The following THEMIS variants were observed in gnomAD, a reference collection of about 807,000 sequenced individuals.
THEMIS encodes protein THEMIS.
Under a neutral mutation model 52.6 loss-of-function variants are expected in THEMIS, and 37 were observed. The ratio of observed to expected loss-of-function variants is 0.70; its 90% confidence interval spans 0.54 to 0.93. The LOEUF (loss-of-function observed/expected upper bound fraction) is 0.93. THEMIS is among the 40% of genes least tolerant of loss of function. The pLI, the probability that THEMIS is intolerant of heterozygous loss-of-function variation, is 0.00. For synonymous variants in THEMIS, 292 were observed against 272.7 expected (o/e 1.07, Z -0.70); for missense variants, 808 against 763.1 (o/e 1.06, Z -0.69).
intron 1 of THEMIS, among the ~76,000 whole-genome samples, chr6:127,862,450 T>C (rs1408506751): frequency 7.6e-6 from 1 of 132,418 alleles, no homozygotes; most frequent in Non-Finnish European, 1.6e-5. Flanking sequence ...TTTTTTTTTT[T>C]GCTCTGTTGC....
At chr6:127,760,911 A>G (rs935582004) in intron 4 of THEMIS, among the ~76,000 whole-genome samples, 15 of 152,302 alleles carry the variant, frequency 9.8e-5, no homozygotes, top group Non-Finnish European at 1.5e-4. Context: ...TGTATATGAC[A>G]CCAAAAGTAC....
At position 127,742,016 on chromosome 6, in the gene THEMIS, C is replaced by A. The variant is rs1160447735; in HGVS notation, c.1759-22193G>T. On this transcript the variant is annotated intron_variant, in intron 4 of 5. Transcript: ENST00000368248. The stretch of plus-strand genomic sequence containing the variant: ...TATGAAGGTCTGTCAAGAAATTAAA[C>A]ACAGAATCACCAGGCTGAGTATGGT... Among the ~76,000 whole-genome samples the A allele has an allele frequency of 2.6e-5, 4 of 152,008 alleles. No individual in the cohort carries two copies. The South Asian group carries it at 6.2e-4, about 24-fold the overall frequency.
intron 4 of THEMIS, among the ~76,000 whole-genome samples, chr6:127,767,122 C>T (rs532757027): frequency 1.3e-4 from 20 of 150,484 alleles, no homozygotes; most frequent in African/African-American, 4.4e-4. Context: ...GATGGAGTCT[C>T]GCTCTGTCAC....
rs1773908271 is a variant in THEMIS, at chr6:127,709,682, T to A, written c.*303A>T. On this transcript the variant is annotated 3_prime_UTR_variant, in exon 6 of 6. Coordinates refer to ENST00000368248, the MANE Select transcript of THEMIS (RefSeq NM_001010923.3). ...AAATACAGAATTATTTCCCAATTAC[T>A]TAGTTGTTGGTAGTAGAAATAAGAA... The A allele has an allele frequency of 3.9e-6, 1 of 259,600 alleles. No homozygotes were observed. Among genetic ancestry groups the A allele is most frequent in the African/African-American group, 2.2e-5 (1 of 45,446 alleles). 16.1% of individuals were successfully genotyped at this position (259,600 alleles called of 1,614,324 possible). A position where few individuals can be genotyped will look rare whatever the true frequency, so the allele number is the denominator to read the frequency against.
chr6:127,793,585 A>G (rs1250280471), intron 4 of THEMIS, among the ~76,000 whole-genome samples: 1 of 152,222 alleles, frequency 6.6e-6, no homozygotes, highest in Non-Finnish European at 1.5e-5. Flanking sequence ...GAATGCACCA[A>G]GAAGACTACC....
At chr6:127,809,416 A>T (rs1459335343) in intron 4 of THEMIS, among the ~76,000 whole-genome samples, 1 of 152,188 alleles carries the variant, frequency 6.6e-6, no homozygotes, top group East Asian at 1.9e-4. Flanking sequence ...TTTACATTCT[A>T]TAAACAATGT....
At chr6:127,707,041 C>T (rs747722658), downstream of THEMIS, among the ~76,000 whole-genome samples, 7 of 152,078 alleles carry the variant, frequency 4.6e-5, no homozygotes, top group Non-Finnish European at 7.4e-5. Context: ...GAAGCAAACA[C>T]GTCCTTCTTC....
chr6:127,697,861 T>G, the THEMIS span, among the ~76,000 whole-genome samples: 1 of 152,186 alleles, frequency 6.6e-6, no homozygotes, highest in Non-Finnish European at 1.5e-5. Flanking sequence ...TCCATTCTAC[T>G]ATATATTTTA....
At chr6:127,775,168 T>G (rs1371358956) in intron 4 of THEMIS, among the ~76,000 whole-genome samples, 1 of 152,178 alleles carries the variant, frequency 6.6e-6, no homozygotes, top group Non-Finnish European at 1.5e-5. Context: ...CCATGAACTC[T>G]TTAATGACAT....
chr6:127,779,813 CT>C (rs1265541952), intron 4 of THEMIS, among the ~76,000 whole-genome samples: 2 of 152,112 alleles, frequency 1.3e-5, no homozygotes, highest in Non-Finnish European at 2.9e-5. Context: ...ACCTGTAAAG[CT>C]TAATGTTCTA....
At chr6:127,773,076 G>C (rs1407351848) in intron 4 of THEMIS, among the ~76,000 whole-genome samples, 1 of 152,124 alleles carries the variant, frequency 6.6e-6, no homozygotes, top group Non-Finnish European at 1.5e-5. Context: ...CTTTTTGCAT[G>C]ATTTTGAGGA....
intron 4 of THEMIS, among the ~76,000 whole-genome samples, chr6:127,764,771 T>C (rs1415463829): frequency 1.3e-5 from 2 of 152,048 alleles, no homozygotes; most frequent in Non-Finnish European, 2.9e-5. Context: ...ACTTAAAATA[T>C]CTAGAAGTTA....
intron 1 of THEMIS, among the ~76,000 whole-genome samples, chr6:127,858,856 G>A (rs1363019654): frequency 6.6e-6 from 1 of 152,076 alleles, no homozygotes; most frequent in Non-Finnish European, 1.5e-5. Flanking sequence ...GAACAAAGCA[G>A]CCTGTTTTCA....
In THEMIS at chr6:127,708,983, C is replaced by A. The variant is rs940261485; in HGVS notation, c.*1002G>T. 6.6e-6 allele frequency: 1 copy of A among 151,816 alleles called. No individual in the cohort carries two copies. The allele number at this position is 151,816 out of a possible 1,614,324, so 9.4% of individuals were successfully genotyped here. On this transcript the variant is annotated 3_prime_UTR_variant, in exon 6 of 6. Transcript: ENST00000368248. ...TATTAAATTCCTATGTAACATTAAC[C>A]AGATAGCCTGTCTCTTCATTTTGTT...
intron 1 of THEMIS, among the ~76,000 whole-genome samples, chr6:127,900,558 T>G (rs1019105830): frequency 6.6e-6 from 1 of 152,082 alleles, no homozygotes; most frequent in East Asian, 1.9e-4. Flanking sequence ...ACAACCAATT[T>G]CAAAGCAAAG....
chr6:127,740,859 A>AT (rs1229281574), intron 4 of THEMIS, among the ~76,000 whole-genome samples: 1 of 152,152 alleles, frequency 6.6e-6, no homozygotes, highest in African/African-American at 2.4e-5. Flanking sequence ...TGTGACATAT[A>AT]TTTTTTATAT....
chr6:127,904,796 T>C (rs770535009), upstream of THEMIS, among the ~76,000 whole-genome samples: 2 of 152,032 alleles, frequency 1.3e-5, no homozygotes, highest in African/African-American at 2.4e-5. Flanking sequence ...CTGCCATCTA[T>C]AGAAAGTATC....
At chr6:127,791,242 G>T (rs1777145214) in intron 4 of THEMIS, among the ~76,000 whole-genome samples, 1 of 152,158 alleles carries the variant, frequency 6.6e-6, no homozygotes, top group South Asian at 2.1e-4. Flanking sequence ...GCTCAGAGGA[G>T]ACCCACAGTG....
intron 4 of THEMIS, among the ~76,000 whole-genome samples, chr6:127,741,750 C>T (rs1775209335): frequency 4.6e-5 from 7 of 152,192 alleles, no homozygotes; most frequent in Admixed American, 4.6e-4. Flanking sequence ...CAGCTACTGG[C>T]TGGCCAAAAT....
Sources: gnomAD v4.1 joint callset for allele counts (sites outside exome capture counted in the v4.1 genomes callset) on GRCh38, gnomAD v4.1.1 for gene constraint, MANE v1.5 for transcripts, NCBI Gene and HGNC (gene_info 2026-07-23, HGNC 2026-07-21) for gene names.